CHD9NB: variants seen among roughly 807,000 people sequenced by gnomAD.
CHD9NB encodes the protein CHD9 neighbor protein.
the CHD9NB span, chr16:53,043,145 G>A: frequency 1.3e-5 from 2 of 152,192 alleles, no homozygotes; most frequent in Non-Finnish European, 2.9e-5. Context: ...CTTTTGAGTG[G>A]ATTTAAAAAC....
the CHD9NB span, among the ~76,000 whole-genome samples, chr16:53,050,019 C>A: frequency 1.3e-5 from 2 of 152,148 alleles, no homozygotes. Context: ...GCCTGGACAA[C>A]ATGGTGAAAC....
At chr16:53,036,137 A>C in the CHD9NB span, among the ~76,000 whole-genome samples, 2 of 152,186 alleles carry the variant, frequency 1.3e-5, no homozygotes, top group Non-Finnish European at 2.9e-5. Flanking sequence ...GCTGTGGTTA[A>C]AACCCTGGTC....
the CHD9NB span, chr16:53,042,790 T>TA: frequency 1.0e-3 from 153 of 152,370 alleles, no homozygotes; most frequent in African/African-American, 3.5e-3. Context: ...CTCTCTGCTT[T>TA]AAGAAGCACT....
chr16:53,051,768 AATATATATAT>A, the CHD9NB span, among the ~76,000 whole-genome samples: 735 of 104,580 alleles, frequency 7.0e-3, 7 homozygotes, highest in South Asian at 0.013. Flanking sequence ...TAAAAGTATA[AATATATATAT>A]ATATATATAT....
the CHD9NB span, among the ~76,000 whole-genome samples, chr16:53,052,596 G>A: frequency 1.3e-5 from 2 of 152,186 alleles, no homozygotes; most frequent in African/African-American, 4.8e-5. Context: ...ATCTCATCAG[G>A]TGATGCCAGA....
chr16:53,049,011 T>C, the CHD9NB span, among the ~76,000 whole-genome samples: 2 of 152,090 alleles, frequency 1.3e-5, no homozygotes, highest in Admixed American at 1.3e-4. Context: ...ACTCTTGGTT[T>C]TTTATTTATT....
chr16:53,048,901 T>C, the CHD9NB span, among the ~76,000 whole-genome samples: 1 of 152,222 alleles, frequency 6.6e-6, no homozygotes, highest in African/African-American at 2.4e-5. Context: ...CTAGTAGGTA[T>C]ATAAGCCTTT....
the CHD9NB span, chr16:53,047,342 C>T: frequency 1.3e-5 from 2 of 152,278 alleles, no homozygotes; most frequent in East Asian, 1.9e-4. Flanking sequence ...GGGCATTTAC[C>T]TGTATTAGTG....
chr16:53,042,569 C>G, the CHD9NB span, among the ~76,000 whole-genome samples: 1 of 150,410 alleles, frequency 6.6e-6, no homozygotes, highest in Non-Finnish European at 1.5e-5. Flanking sequence ...TCCCACTTCC[C>G]TCTCCGTCTC....
chr16:53,042,379 T>C, the CHD9NB span, among the ~76,000 whole-genome samples: 2 of 146,724 alleles, frequency 1.4e-5, no homozygotes, highest in Non-Finnish European at 3.0e-5. Context: ...CTCTTCCCTT[T>C]CTCTCCCTCT....
At chr16:53,047,805 C>G in the CHD9NB span, among the ~76,000 whole-genome samples, 1 of 152,020 alleles carries the variant, frequency 6.6e-6, no homozygotes, top group African/African-American at 2.4e-5. Context: ...CAAGACCAGT[C>G]TGGTCAACAG....
At chr16:53,041,369 G>C in the CHD9NB span, among the ~76,000 whole-genome samples, 1 of 152,212 alleles carries the variant, frequency 6.6e-6, no homozygotes, top group Non-Finnish European at 1.5e-5. Context: ...GTCCTTAAAA[G>C]GAAACTGAGT....
the CHD9NB span, among the ~76,000 whole-genome samples, chr16:53,048,601 G>A: frequency 5.3e-5 from 8 of 152,062 alleles, no homozygotes; most frequent in Admixed American, 2.0e-4. Flanking sequence ...AACAAAAAGC[G>A]CTTGCCACTC....
the CHD9NB span, among the ~76,000 whole-genome samples, chr16:53,048,269 G>A: frequency 6.6e-6 from 1 of 151,984 alleles, no homozygotes; most frequent in Admixed American, 6.6e-5. Flanking sequence ...AGCTGGGTGT[G>A]GTGGCATGTG....
the CHD9NB span, among the ~76,000 whole-genome samples, chr16:53,042,353 T>C: frequency 1.4e-5 from 2 of 141,004 alleles, no homozygotes; most frequent in African/African-American, 5.3e-5. Context: ...CTCTCCCCGC[T>C]CTTTCATCTC....
chr16:53,052,700 G>A, the CHD9NB span: 1 of 152,978 alleles, frequency 6.5e-6, no homozygotes, highest in African/African-American at 2.4e-5. Context: ...AGAATGGTCT[G>A]GACATGACTC....
the CHD9NB span, among the ~76,000 whole-genome samples, chr16:53,044,896 A>G: frequency 4.8e-3 from 732 of 152,232 alleles, 9 homozygotes; most frequent in African/African-American, 0.017. Flanking sequence ...ATTTGAACCC[A>G]AGTCACCTGC....
chr16:53,052,268 A>C, the CHD9NB span, among the ~76,000 whole-genome samples: 1 of 151,226 alleles, frequency 6.6e-6, no homozygotes, highest in Non-Finnish European at 1.5e-5. Context: ...TTAGCCAGGC[A>C]TGGTGGCACA....
At chr16:53,036,792 T>A in the CHD9NB span, among the ~76,000 whole-genome samples, 2 of 152,194 alleles carry the variant, frequency 1.3e-5, no homozygotes, top group Admixed American at 6.5e-5. Flanking sequence ...CCTAAGCCAA[T>A]GAGAATTCCT....
Sources: gnomAD v4.1 joint callset for allele counts (sites outside exome capture counted in the v4.1 genomes callset) on GRCh38, gnomAD v4.1.1 for gene constraint, MANE v1.5 for transcripts, NCBI Gene and HGNC (gene_info 2026-07-23, HGNC 2026-07-21) for gene names.